METTL15: variants seen among roughly 807,000 people sequenced by gnomAD.
METTL15 encodes the protein methyltransferase 15, mitochondrial 12S rRNA N4-cytidine, also known as 12S rRNA N(4)-cytidine methyltransferase METTL15.
Under a neutral mutation model 38.3 loss-of-function variants are expected in METTL15, and 34 were observed. The observed-to-expected ratio is 0.89, with a 90% CI of 0.68 to 1.18. The LOEUF is 1.18. Ranked by LOEUF, METTL15 falls within the 50% of genes most tolerant of loss-of-function variation. The pLI is 0.00. For missense variants in METTL15, 438 were observed against 498.4 expected (o/e 0.88, Z 1.15); for synonymous variants, 162 against 170.9 (o/e 0.95, Z 0.41).
intron 3 of METTL15, among the ~76,000 whole-genome samples, chr11:28,177,722 G>A (rs1052978141): frequency 1.3e-5 from 2 of 151,918 alleles, no homozygotes; most frequent in African/African-American, 2.4e-5. Flanking sequence ...TTCCTCATCT[G>A]ATATAATGAA....
intron 5 of METTL15, among the ~76,000 whole-genome samples, chr11:28,367,428 T>C (rs1850197586): frequency 6.6e-6 from 1 of 152,134 alleles, no homozygotes; most frequent in Non-Finnish European, 1.5e-5. Context: ...TATCTTCCTC[T>C]TACAAGGGAT....
chr11:28,339,396 T>C (rs4430492), intron 3 of METTL15, among the ~76,000 whole-genome samples: 2,080 of 152,026 alleles, frequency 0.014, 61 homozygotes, highest in African/African-American at 0.047. Flanking sequence ...ATTCTAGAAC[T>C]GAGAAGTATA....
intron 3 of METTL15, among the ~76,000 whole-genome samples, chr11:28,180,546 C>T (rs911978211): frequency 1.3e-5 from 2 of 151,852 alleles, no homozygotes; most frequent in East Asian, 3.9e-4. Flanking sequence ...AAACCTCTGT[C>T]GTTTAAGGAT....
intron 3 of METTL15, among the ~76,000 whole-genome samples, chr11:28,150,705 T>C (rs1448092577): frequency 2.6e-5 from 4 of 151,944 alleles, no homozygotes; most frequent in African/African-American, 7.2e-5. Context: ...CTTCTAGTTA[T>C]CAGTTTAGAA....
intron 4 of METTL15, among the ~76,000 whole-genome samples, chr11:28,239,828 A>G (rs191269382): frequency 6.6e-6 from 1 of 152,338 alleles, no homozygotes; most frequent in Admixed American, 6.5e-5. Flanking sequence ...GTAGTATTTT[A>G]TAATTCCTTA....
At chr11:28,373,983 C>T (rs911582373) in intron 5 of METTL15, among the ~76,000 whole-genome samples, 13 of 151,796 alleles carry the variant, frequency 8.6e-5, no homozygotes, top group East Asian at 3.9e-4. Flanking sequence ...TGTAGTTATG[C>T]GGCGTTATTT....
At chr11:28,289,471 T>C (rs1856423526) in intron 4 of METTL15, among the ~76,000 whole-genome samples, 2 of 152,240 alleles carry the variant, frequency 1.3e-5, no homozygotes, top group Middle Eastern at 3.4e-3. Context: ...TGCCCAATTT[T>C]CTCTTCTCAT....
At chr11:28,240,447 C>G (rs929186776) in intron 4 of METTL15, among the ~76,000 whole-genome samples, 2 of 152,132 alleles carry the variant, frequency 1.3e-5, no homozygotes, top group Non-Finnish European at 2.9e-5. Flanking sequence ...AACTTAAACT[C>G]TAATGTGTAT....
At chr11:28,258,299 C>G (rs1006872477) in intron 4 of METTL15, among the ~76,000 whole-genome samples, 6 of 152,186 alleles carry the variant, frequency 3.9e-5, no homozygotes, top group African/African-American at 1.4e-4. Flanking sequence ...ACTGTTGCCA[C>G]CACCACTGTG....
intron 6 of METTL15, among the ~76,000 whole-genome samples, chr11:28,485,172 C>A (rs927292332): frequency 2.6e-5 from 4 of 151,898 alleles, no homozygotes; most frequent in African/African-American, 9.7e-5. Flanking sequence ...CTGGCATGGG[C>A]ATTCTTGTTT....
intron 3 of METTL15, among the ~76,000 whole-genome samples, chr11:28,176,014 A>G (rs11606414): frequency 0.087 from 13,155 of 152,038 alleles, 751 homozygotes; most frequent in East Asian, 0.16. Flanking sequence ...TAATATTACT[A>G]AGGAGTTTAG....
intron 6 of METTL15, among the ~76,000 whole-genome samples, chr11:28,447,515 T>C (rs926440016): frequency 6.6e-6 from 1 of 152,136 alleles, no homozygotes; most frequent in African/African-American, 2.4e-5. Flanking sequence ...AACCTTGATC[T>C]CCTTTTTTTT....
At chr11:28,441,124 G>A (rs2133440541) in intron 6 of METTL15, among the ~76,000 whole-genome samples, 1 of 149,310 alleles carries the variant, frequency 6.7e-6, no homozygotes, top group East Asian at 2.0e-4. Context: ...TTATTGAACA[G>A]TATGAAAAAC....
intron 5 of METTL15, among the ~76,000 whole-genome samples, chr11:28,395,790 CA>C (rs1314631317): frequency 6.6e-6 from 1 of 151,840 alleles, no homozygotes; most frequent in Non-Finnish European, 1.5e-5. Context: ...AGAGACACAA[CA>C]AAAAAAGAGA....
intron 4 of METTL15, among the ~76,000 whole-genome samples, chr11:28,284,500 A>T (rs926657552): frequency 2.0e-5 from 3 of 152,192 alleles, no homozygotes; most frequent in South Asian, 4.1e-4. Flanking sequence ...CTGTAGTTGA[A>T]GATAATCCCT....
At chr11:28,389,694 G>T (rs1051122958) in intron 5 of METTL15, among the ~76,000 whole-genome samples, 1 of 151,626 alleles carries the variant, frequency 6.6e-6, no homozygotes, top group African/African-American at 2.4e-5. Context: ...ATAAACATAC[G>T]TGTGCATGTG....
chr11:28,151,187 T>C (rs137969093), intron 3 of METTL15, among the ~76,000 whole-genome samples: 7 of 152,036 alleles, frequency 4.6e-5, no homozygotes, highest in African/African-American at 1.7e-4. Context: ...AATATTATAC[T>C]ATATATAATT....
intron 4 of METTL15, among the ~76,000 whole-genome samples, chr11:28,223,648 G>A (rs1446260548): frequency 6.6e-6 from 1 of 152,050 alleles, no homozygotes; most frequent in African/African-American, 2.4e-5. Flanking sequence ...CCTTTACTCT[G>A]TCAAAACTAA....
intron 6 of METTL15, among the ~76,000 whole-genome samples, chr11:28,445,403 C>T (rs766172359): frequency 6.6e-6 from 1 of 152,016 alleles, no homozygotes; most frequent in Non-Finnish European, 1.5e-5. Flanking sequence ...AGATTTTCTC[C>T]TATATAAACA....
Sources: gnomAD v4.1 joint callset for allele counts (sites outside exome capture counted in the v4.1 genomes callset) on GRCh38, gnomAD v4.1.1 for gene constraint, MANE v1.5 for transcripts, NCBI Gene and HGNC (gene_info 2026-07-23, HGNC 2026-07-21) for gene names.